LMBRD2: variants seen among roughly 807,000 people sequenced by gnomAD.
The protein encoded by LMBRD2 is LMBR1 domain containing 2.
LMBRD2 carries 55 observed loss-of-function variants against 94.4 expected under a neutral mutation model. The observed-to-expected ratio is 0.58, with a 90% confidence interval of 0.47 to 0.73. LMBRD2 has a LOEUF of 0.73. Among genes scored for constraint, LMBRD2 ranks in the 30% least tolerant of loss-of-function variants. The pLI, the probability that LMBRD2 is intolerant of heterozygous loss-of-function variation, is 0.00. For missense variants in LMBRD2, 640 were observed against 831.9 expected, an observed-to-expected ratio of 0.77 and a Z score of 2.84; for synonymous variants, 246 against 272.4, an observed-to-expected ratio of 0.90 and a Z score of 0.95.
intron 6 of LMBRD2, 60 bp downstream of exon 6, chr5:36,136,249 G>T: frequency 6.6e-7 from 1 of 1,511,010 alleles, no homozygotes; most frequent in South Asian, 1.1e-5. Flanking sequence ...AACCAAAAAT[G>T]ACTAAAAGGG....
rs1239863707 is a variant in LMBRD2, at chr5:36,099,861, T to A, written c.*4185A>T. 1 of 152,158 alleles carries A rather than the reference T, an allele frequency of 6.6e-6. No individual in the cohort carries two copies. Among genetic ancestry groups the A allele is most frequent in the Non-Finnish European group, 1.5e-5 (1 of 68,012 alleles). 9.4% of individuals were successfully genotyped at this position (152,158 alleles called of 1,614,324 possible). A position where few individuals can be genotyped will look rare whatever the true frequency, so the allele number is the denominator to read the frequency against. On this transcript the variant is annotated 3_prime_UTR_variant, in exon 18 of 18. Coordinates refer to ENST00000296603, the MANE Select transcript of LMBRD2 (RefSeq NM_001007527.2). ...TTAAAATTTACAGTGAGTCCTCAAT[T>A]GACCTCAATGGACCAATGGCTTGGT...
intron 3 of LMBRD2, 50 bp from the exon 4 acceptor site, chr5:36,141,252 G>T: frequency 6.8e-6 from 7 of 1,029,094 alleles, no homozygotes; most frequent in South Asian, 2.8e-5. Context: ...CTACTTAAAT[G>T]AATTATACAA....
At chr5:36,104,996 A>G (rs923194627) in intron 17 of LMBRD2, 72 bp downstream of exon 17, 42 of 1,417,604 alleles carry the variant, frequency 3.0e-5, no homozygotes, top group Non-Finnish European at 2.9e-6. Flanking sequence ...CTTATTTTCA[A>G]TCTTGTCAAG....
chr5:36,108,860 T>TAA (rs967737519), intron 15 of LMBRD2, among the ~76,000 whole-genome samples: 8 of 152,308 alleles, frequency 5.3e-5, no homozygotes, highest in South Asian at 2.1e-4. Context: ...GACATAGAGA[T>TAA]ATTTTTGCTA....
At chr5:36,140,226 T>C (rs376833206) in intron 4 of LMBRD2, among the ~76,000 whole-genome samples, 2 of 152,234 alleles carry the variant, frequency 1.3e-5, no homozygotes, top group Non-Finnish European at 2.9e-5. Flanking sequence ...CCTGTGCCGA[T>C]GCCTGGAGCT....
At chr5:36,130,496 G>A (rs994784861) in intron 6 of LMBRD2, among the ~76,000 whole-genome samples, 3 of 151,680 alleles carry the variant, frequency 2.0e-5, no homozygotes, top group African/African-American at 7.3e-5. Context: ...TCACAAAAAG[G>A]AAGACAGGAA....
chr5:36,135,404 T>C (rs1004635170), intron 6 of LMBRD2, among the ~76,000 whole-genome samples: 1 of 152,170 alleles, frequency 6.6e-6, no homozygotes, highest in East Asian at 1.9e-4. Context: ...GGAACGAAAG[T>C]TGAGTGTTAG....
intron 6 of LMBRD2, among the ~76,000 whole-genome samples, chr5:36,126,363 T>C (rs531521120): frequency 1.9e-3 from 286 of 152,358 alleles, no homozygotes; most frequent in African/African-American, 6.7e-3. Flanking sequence ...ATATCTATTA[T>C]AAATTTAGGG....
At chr5:36,129,233 G>C (rs1744078015) in intron 6 of LMBRD2, among the ~76,000 whole-genome samples, 1 of 152,074 alleles carries the variant, frequency 6.6e-6, no homozygotes, top group African/African-American at 2.4e-5. Flanking sequence ...CCTAGAGAAA[G>C]ATATCAATAT....
chr5:36,111,244 CA>C lies in LMBRD2; in HGVS notation c.1654del (p.Cys552ValfsTer2). 1 of 1,610,444 alleles carries C rather than the reference CA, an allele frequency of 6.2e-7. No homozygotes were observed. The highest frequency in any genetic ancestry group is 8.5e-7 in the Non-Finnish European group (1 of 1,177,520). The part of the protein sequence containing the change: ...IATYFSLGTR[C>X]LNLLGFQQFM... ...CTGCTGGAAACCGAGCAGATTCAAA[CA>C]ACGGGTTCCCAAACTAATAAAAGCA... On this transcript the variant is annotated frameshift_variant, in exon 14 of 18. Coordinates refer to ENST00000296603, the MANE Select transcript of LMBRD2 (RefSeq NM_001007527.2). LOFTEE classifies it high-confidence loss of function.
chr5:36,114,214 T>G (rs891842084), intron 13 of LMBRD2, among the ~76,000 whole-genome samples: 6 of 152,136 alleles, frequency 3.9e-5, no homozygotes, highest in African/African-American at 1.4e-4. Flanking sequence ...TTTATTATAA[T>G]AGAATAATAA....
rs768389917 is a variant in LMBRD2 at position 36,102,927 on chromosome 5, A to G, written c.*1119T>C. On this transcript the variant is annotated 3_prime_UTR_variant, in exon 18 of 18. Transcript: ENST00000296603. The stretch of plus-strand genomic sequence containing the variant: ...AACTCTCTGCAAGCATGCTGCAATC[A>G]AACATGTTCACTTTTCAATAAAACA... 3.3e-5 allele frequency: 5 copies of G among 151,876 alleles called. No homozygotes were observed. Among genetic ancestry groups the G allele is most frequent in the Non-Finnish European group, 7.4e-5 (5 of 67,804 alleles). 9.4% of individuals were successfully genotyped at this position (151,876 alleles called of 1,614,324 possible). A position where few individuals can be genotyped will look rare whatever the true frequency, so the allele number is the denominator to read the frequency against.
chr5:36,126,968 C>A (rs1031059948), intron 6 of LMBRD2, among the ~76,000 whole-genome samples: 2 of 152,202 alleles, frequency 1.3e-5, no homozygotes, highest in African/African-American at 2.4e-5. Context: ...TATCAGCTAT[C>A]AAAATTCTAC....
intron 6 of LMBRD2, among the ~76,000 whole-genome samples, chr5:36,130,181 T>C (rs1561519177): frequency 1.3e-5 from 2 of 152,044 alleles, no homozygotes; most frequent in Admixed American, 6.6e-5. Flanking sequence ...AAACTTAAAG[T>C]ATAATAATAA....
At chr5:36,123,657 C>T (rs1743939097) in intron 7 of LMBRD2, among the ~76,000 whole-genome samples, 1 of 150,790 alleles carries the variant, frequency 6.6e-6, no homozygotes, top group Admixed American at 6.6e-5. Context: ...AATTCAATAC[C>T]AATGCATCAA....
At chr5:36,104,499 T>C (rs1337357041) in intron 17 of LMBRD2, among the ~76,000 whole-genome samples, 1 of 152,020 alleles carries the variant, frequency 6.6e-6, no homozygotes, top group East Asian at 1.9e-4. Flanking sequence ...TTTTATTTAA[T>C]TATGTGCTTA....
chr5:36,102,078 T>C lies in LMBRD2; in HGVS notation c.*1968A>G, dbSNP rs1391751692. 6.6e-6 allele frequency: 1 copy of C among 151,946 alleles called. No homozygotes were observed. The highest frequency in any genetic ancestry group is 6.6e-5 in the Admixed American group (1 of 15,236). The allele number at this position is 151,946 out of a possible 1,614,324, so 9.4% of individuals were successfully genotyped here. ...TAAAACAACACTACTTTCACAGGAC[T>C]TTTGATGAATTAGTCCAAAAGCGTT... On this transcript the variant is annotated 3_prime_UTR_variant, in exon 18 of 18. Transcript: ENST00000296603.
intron 9 of LMBRD2, among the ~76,000 whole-genome samples, chr5:36,119,594 T>C (rs1743838353): frequency 6.6e-6 from 1 of 152,182 alleles, no homozygotes; most frequent in Non-Finnish European, 1.5e-5. Context: ...AGCTGCACAT[T>C]GCAGGAGAAA....
At position 36,143,211 on chromosome 5, in the gene LMBRD2, G is replaced by C; in HGVS notation, c.139C>G (p.Leu47Val). The change falls in exon 2 of 18, where the codon CTT (leucine) becomes GTT (valine). Residue 47 changes from leucine to valine, a missense_variant. By Grantham distance (32) the Leu-to-Val change is conservative. This residue lies in a region of LMBRD2 where 457 missense variants were observed against 642.8 expected (regional missense o/e 0.71). Transcript: ENST00000296603. ...TCCAGAGGCAGTATGAAGACAATAAGAAAGCAGAGATACCAAGCAAGCAGT... is the reference window on the plus strand; with the variant it reads ...TCCAGAGGCAGTATGAAGACAATAACAAAGCAGAGATACCAAGCAAGCAGT... ...GTLLAWYLCFLIVFILPLDVS... is the reference protein window; with the variant it reads ...GTLLAWYLCFVIVFILPLDVS... 1.9e-6 allele frequency: 3 copies of C among 1,612,820 alleles called. No homozygotes were observed. The highest frequency in any genetic ancestry group is 2.5e-6 in the Non-Finnish European group (3 of 1,179,178).
Sources: gnomAD v4.1 joint callset for allele counts (sites outside exome capture counted in the v4.1 genomes callset) on GRCh38, gnomAD v4.1.1 for gene constraint, gnomAD v4.1.1 regional missense constraint, MANE v1.5 for transcripts, NCBI Gene and HGNC (gene_info 2026-07-23, HGNC 2026-07-21) for gene names.